PDE1C: variants seen among roughly 807,000 people sequenced by gnomAD.
PDE1C encodes dual specificity calcium/calmodulin-dependent 3',5'-cyclic nucleotide phosphodiesterase 1C.
In PDE1C, 62 loss-of-function variants were observed where a neutral mutation model predicts 93.1. That is an observed-to-expected ratio of 0.67 (90% CI 0.54 to 0.82). PDE1C has a LOEUF of 0.82. Among genes scored for constraint, PDE1C ranks in the 40% least tolerant of loss-of-function variants. The pLI is 0.00. For missense variants in PDE1C, 742 were observed against 884.6 expected (o/e 0.84, Z 2.04); for synonymous variants, 325 against 310.1 (o/e 1.05, Z -0.50).
chr7:32,421,375 A>G, intron 1 of PDE1C, among the ~76,000 whole-genome samples: 1 of 152,232 alleles, frequency 6.6e-6, no homozygotes, highest in East Asian at 1.9e-4. Flanking sequence ...TGGAAGGAGA[A>G]CTGGATTACA....
intron 15 of PDE1C, among the ~76,000 whole-genome samples, chr7:31,815,721 T>A (rs1182797149): frequency 6.6e-6 from 1 of 152,060 alleles, no homozygotes; most frequent in African/African-American, 2.4e-5. Context: ...GGTATCAATC[T>A]CCCTGAAGAG....
chr7:31,649,884 C>T, the PDE1C span, among the ~76,000 whole-genome samples: 2 of 152,126 alleles, frequency 1.3e-5, no homozygotes, highest in African/African-American at 2.4e-5. Flanking sequence ...CTACTGACAG[C>T]AGGGGAAAGA....
rs34264888 is a variant in PDE1C, at chr7:32,374,256, G to GAAGAAAGAAAGAAAGAAAGAAAGA, written c.310+53542_310+53565dup. On this transcript the variant is annotated intron_variant, in intron 1 of 1. Coordinates refer to the PDE1C transcript ENST00000672256. The stretch of plus-strand genomic sequence containing the variant: ...AAAGAAAGAAGGAAGGAAAGGAAAG[G>GAAGAAAGAAAGAAAGAAAGAAAGA]AAGAAAGAAAGAAAGAAAGAAAGAA... 2.7e-3 allele frequency among the ~76,000 whole-genome samples: 303 copies of GAAGAAAGAAAGAAAGAAAGAAAGA among 113,330 alleles called. 5 individuals are homozygous for GAAGAAAGAAAGAAAGAAAGAAAGA. Among genetic ancestry groups the GAAGAAAGAAAGAAAGAAAGAAAGA allele is most frequent in the East Asian group, 3.8e-3 (14 of 3,664 alleles). The allele number at this position is 113,330 out of a possible 152,430, so 74.3% of individuals were successfully genotyped here.
chr7:31,778,522 C>T (rs10249347), intron 16 of PDE1C, among the ~76,000 whole-genome samples: 106,166 of 152,038 alleles, frequency 0.7, 40,872 homozygotes, highest in Non-Finnish European at 0.88. Context: ...ATGTCAGTAG[C>T]TCCTCCCTAG....
intron 1 of PDE1C, among the ~76,000 whole-genome samples, chr7:32,316,046 G>C (rs1313683196): frequency 2.0e-5 from 3 of 152,116 alleles, no homozygotes; most frequent in Non-Finnish European, 4.4e-5. Context: ...AAACTAAATT[G>C]TCCTAAGCCA....
chr7:31,890,184 C>T (rs2128897440), intron 2 of PDE1C, among the ~76,000 whole-genome samples: 1 of 152,264 alleles, frequency 6.6e-6, no homozygotes, highest in South Asian at 2.1e-4. Flanking sequence ...CACCCCAGGC[C>T]ATGCTGGGGA....
chr7:31,777,205 T>A (rs1268354500), intron 16 of PDE1C, among the ~76,000 whole-genome samples: 1 of 151,718 alleles, frequency 6.6e-6, no homozygotes, highest in Non-Finnish European at 1.5e-5. Context: ...CTGGGCAGTG[T>A]CAGAGGAAGC....
intron 17 of PDE1C, among the ~76,000 whole-genome samples, chr7:31,755,504 A>G (rs765282830): frequency 5.3e-5 from 8 of 152,176 alleles, no homozygotes; most frequent in Admixed American, 3.3e-4. Context: ...GACTGATTCC[A>G]GAACTCGGAC....
intron 3 of PDE1C, among the ~76,000 whole-genome samples, chr7:32,123,846 T>A (rs1399923229): frequency 2.0e-5 from 3 of 152,196 alleles, no homozygotes; most frequent in Admixed American, 1.3e-4. Flanking sequence ...GTATTGGAAG[T>A]TCTGGCCAGG....
intron 2 of PDE1C, among the ~76,000 whole-genome samples, chr7:31,942,274 T>C (rs1584099615): frequency 6.6e-6 from 1 of 152,154 alleles, no homozygotes; most frequent in Admixed American, 6.5e-5. Flanking sequence ...ATCTGAATCA[T>C]GAATTCTTCT....
At chr7:31,655,674 C>A in the PDE1C span, 2 of 939,060 alleles carry the variant, frequency 2.1e-6, no homozygotes, top group Non-Finnish European at 2.5e-6. Context: ...CCCATCTTGG[C>A]TCCTATATCA....
At chr7:32,027,277 T>C (rs574283639) in intron 2 of PDE1C, among the ~76,000 whole-genome samples, 25 of 152,152 alleles carry the variant, frequency 1.6e-4, no homozygotes, top group African/African-American at 6.0e-4. Context: ...GGGGTTATTA[T>C]GGAAAAATAT....
At chr7:32,156,954 G>A (rs184365811) in intron 3 of PDE1C, among the ~76,000 whole-genome samples, 15 of 152,236 alleles carry the variant, frequency 9.9e-5, no homozygotes, top group Admixed American at 2.6e-4. Flanking sequence ...CAAAGTCAAC[G>A]TCACCCATAA....
intron 2 of PDE1C, among the ~76,000 whole-genome samples, chr7:32,194,161 G>A (rs575744955): frequency 3.3e-5 from 5 of 152,196 alleles, no homozygotes; most frequent in East Asian, 3.9e-4. Flanking sequence ...TGATCTGCCC[G>A]CCTCGGCCTC....
At chr7:31,960,508 A>G (rs1808791617) in intron 2 of PDE1C, among the ~76,000 whole-genome samples, 1 of 152,238 alleles carries the variant, frequency 6.6e-6, no homozygotes, top group African/African-American at 2.4e-5. Flanking sequence ...CAAGTGGTGG[A>G]ATTTTAATAC....
chr7:31,723,185 A>T, the PDE1C span, among the ~76,000 whole-genome samples: 1 of 152,198 alleles, frequency 6.6e-6, no homozygotes, highest in Non-Finnish European at 1.5e-5. Flanking sequence ...AAATAAGCAT[A>T]GGATGATTCT....
rs139596385 is a variant in PDE1C, at chr7:31,847,924, G to A, written c.980+44C>T. On this transcript the variant is annotated intron_variant, in intron 9 of 17. Coordinates refer to ENST00000396191, the MANE Select transcript of PDE1C (RefSeq NM_001191057.4). ...ACAGCATACTTCATCCAACTTCAAAGTTCCTTCCCTGGCCTACAAATCTCT... is the reference window on the plus strand; with the variant it reads ...ACAGCATACTTCATCCAACTTCAAAATTCCTTCCCTGGCCTACAAATCTCT... 85 of 1,606,908 alleles carry A rather than the reference G, an allele frequency of 5.3e-5. No homozygotes were observed. In the East Asian group the frequency reaches 1.8e-3, roughly 34 times the overall value.
At chr7:31,962,417 T>A (rs1022811492) in intron 2 of PDE1C, among the ~76,000 whole-genome samples, 1 of 152,222 alleles carries the variant, frequency 6.6e-6, no homozygotes, top group Non-Finnish European at 1.5e-5. Context: ...AAACAGAGTC[T>A]GCAATGAACA....
At chr7:32,035,000 T>G (rs1790856803) in intron 2 of PDE1C, among the ~76,000 whole-genome samples, 1 of 152,080 alleles carries the variant, frequency 6.6e-6, no homozygotes, top group Non-Finnish European at 1.5e-5. Context: ...ACAATCATAC[T>G]CTATTATTTA....
Sources: gnomAD v4.1 joint callset for allele counts (sites outside exome capture counted in the v4.1 genomes callset) on GRCh38, gnomAD v4.1.1 for gene constraint, MANE v1.5 for transcripts, NCBI Gene and HGNC (gene_info 2026-07-23, HGNC 2026-07-21) for gene names.